CCSER1: variants seen among roughly 807,000 people sequenced by gnomAD.
CCSER1 encodes coiled-coil serine rich protein 1.
A neutral mutation model predicts 82.0 loss-of-function variants in CCSER1; 41 were observed. The observed-to-expected ratio is 0.50, with a 90% CI of 0.39 to 0.65. CCSER1 has a LOEUF of 0.65. Among genes scored for constraint, CCSER1 ranks in the 30% least tolerant of loss-of-function variants. The pLI, the probability that CCSER1 is intolerant of heterozygous loss-of-function variation, is 0.00. For synonymous variants in CCSER1, 414 were observed against 383.9 expected, an observed-to-expected ratio of 1.08 and a Z score of -0.92; for missense variants, 1,119 against 1,064.2, an observed-to-expected ratio of 1.05 and a Z score of -0.72.
chr4:90,513,862 C>T (rs1055949792), intron 5 of CCSER1, among the ~76,000 whole-genome samples: 5 of 152,026 alleles, frequency 3.3e-5, no homozygotes, highest in African/African-American at 1.2e-4. Context: ...TCTGATGTTA[C>T]GAGTTTCAAA....
At chr4:91,166,396 C>T (rs1475774778) in intron 10 of CCSER1, among the ~76,000 whole-genome samples, 1 of 152,074 alleles carries the variant, frequency 6.6e-6, no homozygotes, top group Admixed American at 6.6e-5. Flanking sequence ...TGCTCTTTCC[C>T]ATTACCCAAA....
At chr4:91,103,338 G>T (rs545401300) in intron 10 of CCSER1, among the ~76,000 whole-genome samples, 4 of 152,026 alleles carry the variant, frequency 2.6e-5, no homozygotes, top group African/African-American at 7.2e-5. Context: ...ATACCAAAGG[G>T]GCCCCTCAGT....
chr4:90,587,779 A>G (rs547151384), intron 5 of CCSER1, among the ~76,000 whole-genome samples: 54 of 152,306 alleles, frequency 3.5e-4, no homozygotes, highest in South Asian at 1.4e-3. Context: ...CTCCACATTC[A>G]TTCTGATAAG....
rs534604887 is a variant in CCSER1, at chr4:90,319,416, C to T, written c.1509+6369C>T. ...TCTGTAATCCCTGCAATTTGGGAGG[C>T]CGAGGTGGGCGGGTCATGAGGTTAG... On this transcript the variant is annotated intron_variant, in intron 3 of 10. Transcript: ENST00000509176. 1.2e-4 allele frequency among the ~76,000 whole-genome samples: 18 copies of T among 152,166 alleles called. No individual in the cohort carries two copies. The South Asian group carries it at 3.7e-3, about 32-fold the overall frequency.
At chr4:91,329,751 C>T (rs1284337031) in intron 10 of CCSER1, among the ~76,000 whole-genome samples, 2 of 152,150 alleles carry the variant, frequency 1.3e-5, no homozygotes, top group Non-Finnish European at 2.9e-5. Flanking sequence ...AATTACCTGC[C>T]ATGAACCTCA....
chr4:91,040,947 AC>A (rs1399982599), intron 9 of CCSER1, among the ~76,000 whole-genome samples: 1 of 152,190 alleles, frequency 6.6e-6, no homozygotes, highest in Non-Finnish European at 1.5e-5. Context: ...AGATGATGAA[AC>A]TTAGCAAATG....
intron 8 of CCSER1, among the ~76,000 whole-genome samples, chr4:90,890,001 C>T (rs1361919117): frequency 1.3e-5 from 2 of 151,990 alleles, no homozygotes; most frequent in African/African-American, 4.8e-5. Flanking sequence ...TTCTTTTATG[C>T]TCAATAGAAA....
chr4:91,282,992 A>G (rs1743030903), intron 10 of CCSER1, among the ~76,000 whole-genome samples: 1 of 152,042 alleles, frequency 6.6e-6, no homozygotes, highest in South Asian at 2.1e-4. Context: ...TGTTCAATAC[A>G]TATTATTTAA....
intron 10 of CCSER1, among the ~76,000 whole-genome samples, chr4:91,563,709 A>G (rs1385580171): frequency 6.6e-6 from 1 of 151,736 alleles, no homozygotes; most frequent in Non-Finnish European, 1.5e-5. Flanking sequence ...GAGCAGTTAT[A>G]TAAGAAAAAG....
intron 10 of CCSER1, among the ~76,000 whole-genome samples, chr4:91,378,615 T>C (rs1750620924): frequency 6.6e-6 from 1 of 152,222 alleles, no homozygotes; most frequent in South Asian, 2.1e-4. Context: ...CCTGAGGCTT[T>C]CCTGAAGTTG....
rs1764721069 is a variant in CCSER1, at chr4:91,599,210, C to A, written c.*153C>A. The stretch of plus-strand genomic sequence containing the variant: ...TTTTTTTCTTAGTCATAAACAAAGA[C>A]TTGTGGGTTTTTTTTTTCCAAGAGT... On this transcript the variant is annotated 3_prime_UTR_variant, in exon 11 of 11. Coordinates refer to ENST00000509176, the MANE Select transcript of CCSER1 (RefSeq NM_001145065.2). 2.1e-6 allele frequency: 2 copies of A among 959,370 alleles called. No individual in the cohort carries two copies. Among genetic ancestry groups the A allele is most frequent in the South Asian group, 2.5e-5 (1 of 40,344 alleles). 59.4% of individuals were successfully genotyped at this position (959,370 alleles called of 1,614,324 possible).
At chr4:90,182,878 A>AT (rs1733971267) in intron 1 of CCSER1, among the ~76,000 whole-genome samples, 1 of 151,842 alleles carries the variant, frequency 6.6e-6, no homozygotes, top group African/African-American at 2.4e-5. Flanking sequence ...TATTACCTTT[A>AT]TTTTTTTACT....
intron 5 of CCSER1, among the ~76,000 whole-genome samples, chr4:90,503,914 AC>A (rs1578847978): frequency 6.6e-6 from 1 of 152,080 alleles, no homozygotes; most frequent in Non-Finnish European, 1.5e-5. Context: ...CTTATCGTAT[AC>A]TTTTTTCTTT....
chr4:91,131,597 T>C (rs1347357253), intron 10 of CCSER1, among the ~76,000 whole-genome samples: 1 of 152,004 alleles, frequency 6.6e-6, no homozygotes, highest in Non-Finnish European at 1.5e-5. Context: ...AAAGAAAAAA[T>C]CTATGTGTAT....
At chr4:90,863,988 T>C (rs1035035954) in intron 8 of CCSER1, among the ~76,000 whole-genome samples, 2 of 145,322 alleles carry the variant, frequency 1.4e-5, no homozygotes, top group African/African-American at 5.2e-5. Flanking sequence ...TATTTTATTT[T>C]ATTTTATTTT....
intron 7 of CCSER1, among the ~76,000 whole-genome samples, chr4:90,766,701 A>C (rs1427287523): frequency 6.6e-6 from 1 of 152,184 alleles, no homozygotes; most frequent in Non-Finnish European, 1.5e-5. Context: ...TCTGGTATTG[A>C]AATTGAATTT....
At chr4:91,359,915 A>C (rs1184308737) in intron 10 of CCSER1, among the ~76,000 whole-genome samples, 1 of 151,836 alleles carries the variant, frequency 6.6e-6, no homozygotes. Context: ...CCACAGTGCC[A>C]AGTGTGACTT....
chr4:90,485,685 C>A (rs566524853), intron 5 of CCSER1, among the ~76,000 whole-genome samples: 1 of 152,072 alleles, frequency 6.6e-6, no homozygotes, highest in Non-Finnish European at 1.5e-5. Flanking sequence ...TTTCCTGATC[C>A]TTTCCTTTCT....
intron 5 of CCSER1, among the ~76,000 whole-genome samples, chr4:90,619,420 G>A (rs548409558): frequency 6.6e-6 from 1 of 152,008 alleles, no homozygotes; most frequent in Non-Finnish European, 1.5e-5. Context: ...TGAATTGCAT[G>A]AAGGGCTAAG....
Sources: allele counts gnomAD v4.1 joint callset (sites outside exome capture counted in the v4.1 genomes callset), GRCh38; gene constraint gnomAD v4.1.1; transcripts MANE v1.5; gene names NCBI Gene and HGNC (gene_info 2026-07-23, HGNC 2026-07-21).